SBF2: variants seen among roughly 807,000 people sequenced by gnomAD.
SBF2 encodes myotubularin-related protein 13.
Under a neutral mutation model 225.2 loss-of-function variants are expected in SBF2, and 112 were observed. The ratio of observed to expected loss-of-function variants is 0.50; its 90% confidence interval spans 0.43 to 0.58. The LOEUF (loss-of-function observed/expected upper bound fraction) is 0.58, where lower values mean the gene tolerates loss of function less well. Among genes scored for constraint, SBF2 ranks in the 20% least tolerant of loss-of-function variants. The probability of loss-of-function intolerance (pLI) is 0.00; values close to 1 mark genes in which losing one functional copy is unlikely to be tolerated. For missense variants in SBF2, 1,996 were observed against 2,206.2 expected, an observed-to-expected ratio of 0.90 and a Z score of 1.91; for synonymous variants, 763 against 773.3, an observed-to-expected ratio of 0.99 and a Z score of 0.22.
At position 9,912,518 on chromosome 11, in the gene SBF2, G is replaced by A. The variant is rs367563805; in HGVS notation, c.1861-16507C>T. Among the ~76,000 whole-genome samples the A allele has an allele frequency of 2.6e-5, 4 of 152,242 alleles. No homozygotes were observed. The South Asian group carries it at 6.2e-4, about 24-fold the overall frequency. On this transcript the variant is annotated intron_variant, in intron 16 of 39. Transcript: ENST00000256190. ...AATAGCTTGAACCTGGGATGCGGAG[G>A]TTGCAGTGAGCCGAGATCACTCCAC...
intron 1 of SBF2, among the ~76,000 whole-genome samples, chr11:10,252,393 A>G (rs1295728471): frequency 6.6e-6 from 1 of 152,262 alleles, no homozygotes; most frequent in African/African-American, 2.4e-5. Flanking sequence ...ATATGCAGAC[A>G]AGACTGAAAA....
At chr11:10,279,928 C>T (rs1316570295) in intron 1 of SBF2, among the ~76,000 whole-genome samples, 4 of 152,182 alleles carry the variant, frequency 2.6e-5, no homozygotes, top group South Asian at 2.1e-4. Flanking sequence ...GGATTACAGG[C>T]GTGAGCCACC....
intron 6 of SBF2, among the ~76,000 whole-genome samples, chr11:10,004,707 A>G (rs931300344): frequency 6.6e-6 from 1 of 152,028 alleles, no homozygotes; most frequent in African/African-American, 2.4e-5. Flanking sequence ...AGACAAATGC[A>G]TATCTGATTT....
At chr11:10,104,552 G>A (rs1565233588) in intron 2 of SBF2, among the ~76,000 whole-genome samples, 1 of 53,440 alleles carries the variant, frequency 1.9e-5, no homozygotes, top group Non-Finnish European at 5.3e-5. Flanking sequence ...CACGGGGCTG[G>A]GTGTGAGAGA....
chr11:10,294,025 G>T lies in SBF2; in HGVS notation c.45C>A (p.His15Gln). Reference sequence around the variant, plus strand: ...GCCCCACACCCTTACCTGGCTTCTCGTGGTCATAGCCTACCACGATGAAGT... The same window carrying T: ...GCCCCACACCCTTACCTGGCTTCTCTTGGTCATAGCCTACCACGATGAAGT... ...ADYFIVVGYD[H>Q]EKPGSGEGLG... is the part of the protein sequence containing the mutation. Residue 15 changes from histidine to glutamine, a missense_variant, in exon 1 of 40, where the codon CAC (histidine) becomes CAA (glutamine). His to Gln is a conservative substitution (Grantham distance 24, BLOSUM62 0). Coordinates refer to ENST00000256190, the MANE Select transcript of SBF2 (RefSeq NM_030962.4). 7.1e-7 allele frequency: 1 copy of T among 1,403,532 alleles called. No homozygotes were observed. Among genetic ancestry groups the T allele is most frequent in the African/African-American group, 1.5e-5 (1 of 67,004 alleles). 86.9% of individuals were successfully genotyped at this position (1,403,532 alleles called of 1,614,324 possible).
intron 2 of SBF2, among the ~76,000 whole-genome samples, chr11:10,136,539 G>A (rs1591041966): frequency 6.6e-6 from 1 of 152,278 alleles, no homozygotes; most frequent in South Asian, 2.1e-4. Context: ...AAACTGCAGG[G>A]CTTGGAGAAC....
chr11:9,956,979 G>T (rs1866214857), intron 16 of SBF2: 1 of 152,260 alleles, frequency 6.6e-6, no homozygotes, highest in Middle Eastern at 3.4e-3. Context: ...AAATTACTTA[G>T]AAACTCTACA....
chr11:10,039,463 T>C, intron 3 of SBF2, among the ~76,000 whole-genome samples: 1 of 151,846 alleles, frequency 6.6e-6, no homozygotes, highest in East Asian at 1.9e-4. Flanking sequence ...AGTACCTAAG[T>C]ACAATTATAT....
intron 2 of SBF2, among the ~76,000 whole-genome samples, chr11:10,107,411 G>A (rs915774530): frequency 6.6e-6 from 1 of 152,028 alleles, no homozygotes; most frequent in Non-Finnish European, 1.5e-5. Flanking sequence ...AGATAAAAAA[G>A]AATATTGTAT....
chr11:9,982,232 T>A (rs1331315630), intron 13 of SBF2, among the ~76,000 whole-genome samples: 4 of 152,198 alleles, frequency 2.6e-5, no homozygotes, highest in Non-Finnish European at 4.4e-5. Flanking sequence ...ACAACCGCAG[T>A]GCCAAGCCAA....
intron 16 of SBF2, 47 bp downstream of exon 16, chr11:9,961,910 A>C (rs1425415914): frequency 6.3e-7 from 1 of 1,577,738 alleles, no homozygotes; most frequent in Admixed American, 1.7e-5. Context: ...GGAAAAATGA[A>C]AAGTATTCTC....
intron 1 of SBF2, among the ~76,000 whole-genome samples, chr11:10,212,366 C>T (rs1243108964): frequency 3.3e-5 from 5 of 152,166 alleles, no homozygotes; most frequent in Admixed American, 3.3e-4. Context: ...TCCAATAACT[C>T]CTGAAAGGTT....
chr11:9,900,147 AAAG>A (rs1419356997), intron 16 of SBF2, among the ~76,000 whole-genome samples: 10 of 152,116 alleles, frequency 6.6e-5, no homozygotes, highest in African/African-American at 2.4e-4. Context: ...ATTTTAAAAG[AAAG>A]CAGTTGTAGA....
rs1018260326 is a variant in SBF2 at position 10,080,669 on chromosome 11, C to G, written c.142-37688G>C. 9.9e-5 allele frequency among the ~76,000 whole-genome samples: 15 copies of G among 152,070 alleles called. No homozygotes were observed. In the East Asian group the frequency reaches 2.7e-3, roughly 27 times the overall value. On this transcript the variant is annotated intron_variant, in intron 2 of 39. Transcript: ENST00000256190. ...ATGCTCTACTTAAAAGATACAGATT[C>G]GTGGAATGAATTTAAAAACAGATCC... is the stretch of plus-strand genomic sequence containing the variant.
intron 26 of SBF2, among the ~76,000 whole-genome samples, chr11:9,833,847 C>T (rs1487927379): frequency 2.0e-5 from 3 of 150,794 alleles, no homozygotes; most frequent in African/African-American, 7.3e-5. Flanking sequence ...CTCAGCTCAC[C>T]GCAACCTCTG....
intron 28 of SBF2, among the ~76,000 whole-genome samples, chr11:9,818,809 C>T (rs192037268): frequency 6.6e-6 from 1 of 152,268 alleles, no homozygotes; most frequent in Admixed American, 6.5e-5. Flanking sequence ...ACAGCCTCTG[C>T]CTCCTGGGTT....
intron 16 of SBF2, among the ~76,000 whole-genome samples, chr11:9,897,021 C>A (rs1490200548): frequency 6.6e-6 from 1 of 152,038 alleles, no homozygotes; most frequent in East Asian, 1.9e-4. Context: ...TGGGCATATA[C>A]CCAAAATAAT....
intron 13 of SBF2, among the ~76,000 whole-genome samples, chr11:9,983,232 T>C (rs773078106): frequency 1.0e-3 from 159 of 152,164 alleles, no homozygotes; most frequent in Non-Finnish European, 1.9e-3. Flanking sequence ...GACTCAGGGC[T>C]ACTGGGGGGC....
chr11:9,798,906 C>T (rs1210904506), intron 32 of SBF2, among the ~76,000 whole-genome samples: 4 of 149,226 alleles, frequency 2.7e-5, no homozygotes, highest in African/African-American at 9.8e-5. Context: ...GAGCCGAGAT[C>T]GCGCCACCGC....
Sources: allele counts gnomAD v4.1 joint callset (sites outside exome capture counted in the v4.1 genomes callset), GRCh38; gene constraint gnomAD v4.1.1; transcripts MANE v1.5; gene names NCBI Gene and HGNC (gene_info 2026-07-23, HGNC 2026-07-21).